WNT5A: variants seen among roughly 807,000 people sequenced by gnomAD.
The protein encoded by WNT5A is Wnt family member 5A.
Under a neutral mutation model 42.1 loss-of-function variants are expected in WNT5A, and 9 were observed. The ratio of observed to expected loss-of-function variants is 0.21; its 90% confidence interval spans 0.13 to 0.37. The LOEUF (loss-of-function observed/expected upper bound fraction) is 0.37. Among genes scored for constraint, WNT5A ranks in the 10% least tolerant of loss-of-function variants. The probability of loss-of-function intolerance (pLI) is 1.00; values close to 1 mark genes in which losing one functional copy is unlikely to be tolerated. For synonymous variants in WNT5A, 210 were observed against 210.0 expected (o/e 1.00, Z 0.00); for missense variants, 426 against 534.0 (o/e 0.80, Z 1.99).
At chr3:55,486,929 AG>A (rs2051588326) in intron 1 of WNT5A, 50 bp downstream of exon 1, 7 of 1,313,414 alleles carry the variant, frequency 5.3e-6, no homozygotes, top group African/African-American at 1.5e-5. Context: ...AACTTCCAAC[AG>A]GGGGTGGGGG....
rs926093340 is a variant in WNT5A at position 55,466,187 on chromosome 3, A to T, written c.*3905T>A. 1 of 152,236 alleles carries T rather than the reference A, an allele frequency of 6.6e-6. No individual in the cohort carries two copies. 9.4% of individuals were successfully genotyped at this position (152,236 alleles called of 1,614,324 possible). A position where few individuals can be genotyped will look rare whatever the true frequency, so the allele number is the denominator to read the frequency against. On this transcript the variant is annotated 3_prime_UTR_variant, in exon 5 of 5. Coordinates refer to ENST00000264634, the MANE Select transcript of WNT5A (RefSeq NM_003392.7). ...AAAGACTAGAAAATACTTTAAAAAA[A>T]ATAAATATTTTAAAAGTATAGCTTA...
chr3:55,467,306 A>G lies in WNT5A; in HGVS notation c.*2786T>C, dbSNP rs1355487777. The G allele has an allele frequency of 6.6e-6, 1 of 152,490 alleles. No homozygotes were observed. The highest frequency in any genetic ancestry group is 1.5e-5 in the Non-Finnish European group (1 of 68,020). 9.4% of individuals were successfully genotyped at this position (152,490 alleles called of 1,614,324 possible). A position where few individuals can be genotyped will look rare whatever the true frequency, so the allele number is the denominator to read the frequency against. On this transcript the variant is annotated 3_prime_UTR_variant, in exon 5 of 5. Coordinates refer to ENST00000264634, the MANE Select transcript of WNT5A (RefSeq NM_003392.7). ...GCTCTAAAACAATTAAGTTACATGC[A>G]TAATGCTAAAAGAATGTGAGCAATC... is the stretch of plus-strand genomic sequence containing the variant.
chr3:55,499,732 G>A, the WNT5A span, among the ~76,000 whole-genome samples: 1 of 152,114 alleles, frequency 6.6e-6, no homozygotes, highest in Non-Finnish European at 1.5e-5. Context: ...CCAGCACTTT[G>A]GGAGGCCAAG....
At chr3:55,502,052 G>A in the WNT5A span, among the ~76,000 whole-genome samples, 1 of 152,150 alleles carries the variant, frequency 6.6e-6, no homozygotes, top group African/African-American at 2.4e-5. Context: ...GTCATGCTAT[G>A]AGCTTGTTCT....
intron 3 of WNT5A, among the ~76,000 whole-genome samples, chr3:55,474,982 ATCCTT>A (rs1197980940): frequency 1.3e-5 from 2 of 151,676 alleles, no homozygotes; most frequent in Non-Finnish European, 2.9e-5. Flanking sequence ...GGGCTGCCCC[ATCCTT>A]AACACGCACC....
At chr3:55,495,610 T>C in the WNT5A span, among the ~76,000 whole-genome samples, 1 of 152,248 alleles carries the variant, frequency 6.6e-6, no homozygotes, top group African/African-American at 2.4e-5. Context: ...GTTGATTCCA[T>C]ATCTCCATAT....
At chr3:55,485,185 G>C (rs540718431) in intron 1 of WNT5A, among the ~76,000 whole-genome samples, 3 of 149,886 alleles carry the variant, frequency 2.0e-5, no homozygotes, top group African/African-American at 7.3e-5. Flanking sequence ...GCAGGGGTGG[G>C]AGGGAGAGGG....
At position 55,487,244 on chromosome 3, in the gene WNT5A, C is replaced by G. The variant is rs1176198533; in HGVS notation, c.-259G>C. 6 of 491,112 alleles carry G rather than the reference C, an allele frequency of 1.2e-5. No individual in the cohort carries two copies. Among genetic ancestry groups the G allele is most frequent in the Admixed American group, 1.2e-4 (3 of 25,684 alleles). The allele number at this position is 491,112 out of a possible 1,614,324, so 30.4% of individuals were successfully genotyped here. On this transcript the variant is annotated 5_prime_UTR_variant, in exon 1 of 5. Coordinates refer to ENST00000264634, the MANE Select transcript of WNT5A (RefSeq NM_003392.7). ...GACGCGCGCGAGCCGGCAGCAAGGG[C>G]AGGGCCTGGTCGGGGCGCAACTAGG...
intron 1 of WNT5A, chr3:55,481,460 GC>G: frequency 1.8e-6 from 1 of 550,106 alleles, no homozygotes; most frequent in Non-Finnish European, 2.3e-6. Context: ...GAGGATGGGG[GC>G]AGGACGCGGG....
At chr3:55,470,604 G>A in intron 4 of WNT5A, 54 bp from the exon 5 acceptor site, 1 of 1,433,726 alleles carries the variant, frequency 7.0e-7, no homozygotes, top group Non-Finnish European at 9.2e-7. Context: ...GCCAGATGCA[G>A]GCTATAGGAA....
At chr3:55,494,389 GTT>G (rs554801238), upstream of WNT5A, among the ~76,000 whole-genome samples, 4 of 152,216 alleles carry the variant, frequency 2.6e-5, no homozygotes, top group South Asian at 8.3e-4. Flanking sequence ...AAAGTGGAGT[GTT>G]TTCAAAGTTT....
intron 4 of WNT5A, among the ~76,000 whole-genome samples, chr3:55,472,548 C>A (rs879607252): frequency 6.6e-6 from 1 of 152,108 alleles, no homozygotes; most frequent in Non-Finnish European, 1.5e-5. Context: ...CCACCCCCCC[C>A]AAATTTTCAT....
At chr3:55,488,594 C>T (rs2051619506), upstream of WNT5A, among the ~76,000 whole-genome samples, 1 of 151,868 alleles carries the variant, frequency 6.6e-6, no homozygotes, top group African/African-American at 2.4e-5. Context: ...GTACTACGGG[C>T]TGGGGTGCCG....
At chr3:55,481,528 A>G (rs376143310) in intron 1 of WNT5A, 29 of 415,616 alleles carry the variant, frequency 7.0e-5, no homozygotes, top group African/African-American at 4.3e-4. Flanking sequence ...GAGAGTGCCC[A>G]GCTGGGAAAT....
Position 55,481,247 on chromosome 3 carries a change from C to G in WNT5A, c.7-329G>C, listed in dbSNP as rs561875405. 3.9e-5 allele frequency: 39 copies of G among 988,458 alleles called. No individual in the cohort carries two copies. The African/African-American group carries it at 6.2e-4, about 16-fold the overall frequency. 61.2% of individuals were successfully genotyped at this position (988,458 alleles called of 1,614,324 possible). ...CGCTCGAGTCCCGCACCCCCTGGCC[C>G]CCCTCTAGTTGGTGCTGTGCTCAGT... On this transcript the variant is annotated intron_variant, in intron 1 of 4. Coordinates refer to ENST00000264634, the MANE Select transcript of WNT5A (RefSeq NM_003392.7).
At position 55,479,426 on chromosome 3, in the gene WNT5A, G is replaced by T. The variant is rs369759520; in HGVS notation, c.279C>A (p.Ile93=). 1 of 1,613,850 alleles carries T rather than the reference G, an allele frequency of 6.2e-7. No individual in the cohort carries two copies. Among genetic ancestry groups the T allele is most frequent in the African/African-American group, 1.3e-5 (1 of 74,910 alleles). The change falls in exon 3 of 5, where the codon ATC becomes ATA. Residue 93 remains isoleucine, a synonymous_variant. Coordinates refer to ENST00000264634, the MANE Select transcript of WNT5A (RefSeq NM_003392.7). ...TGATGCCTGTCTTCGCGCCTTCTCC[G>T]ATGTACTGCATGTGGTCCTGATACA... ...CHLYQDHMQY[I]GEGAKTGIKE... is the part of the protein sequence containing the mutation.
chr3:55,489,427 C>T (rs904134623), upstream of WNT5A, among the ~76,000 whole-genome samples: 6 of 152,130 alleles, frequency 3.9e-5, no homozygotes, highest in Admixed American at 3.9e-4. Flanking sequence ...TTCCTCCAGT[C>T]CTCCCCCACC....
At chr3:55,475,804 A>G (rs564208860) in intron 3 of WNT5A, among the ~76,000 whole-genome samples, 2 of 152,326 alleles carry the variant, frequency 1.3e-5, no homozygotes, top group East Asian at 3.9e-4. Flanking sequence ...ACTGGAGGCT[A>G]TCATAGAGTA....
rs1233592194 is a variant in WNT5A, at chr3:55,487,228, G to A, written c.-243C>T. 6.0e-6 allele frequency: 3 copies of A among 497,346 alleles called. No homozygotes were observed. Among genetic ancestry groups the A allele is most frequent in the Non-Finnish European group, 1.0e-5 (3 of 286,182 alleles). 30.8% of individuals were successfully genotyped at this position (497,346 alleles called of 1,614,324 possible). On this transcript the variant is annotated 5_prime_UTR_variant, in exon 1 of 5. Coordinates refer to ENST00000264634, the MANE Select transcript of WNT5A (RefSeq NM_003392.7). The stretch of plus-strand genomic sequence containing the variant: ...GAATGGAGGGGGCGCGGACGCGCGC[G>A]AGCCGGCAGCAAGGGCAGGGCCTGG...
Sources: allele counts gnomAD v4.1 joint callset (sites outside exome capture counted in the v4.1 genomes callset), GRCh38; gene constraint gnomAD v4.1.1; transcripts MANE v1.5; gene names NCBI Gene and HGNC (gene_info 2026-07-23, HGNC 2026-07-21).